Variants in FGF12 observed in about 807,000 individuals in gnomAD.
FGF12 encodes the protein fibroblast growth factor 12B.
In FGF12, 14 loss-of-function variants were observed where a neutral mutation model predicts 23.6. The ratio of observed to expected loss-of-function variants is 0.59; its 90% confidence interval spans 0.39 to 0.93. The LOEUF is 0.93. Among genes scored for constraint, FGF12 ranks in the 40% least tolerant of loss-of-function variants. The pLI, the probability that FGF12 is intolerant of heterozygous loss-of-function variation, is 0.00. For synonymous variants in FGF12, 62 were observed against 77.3 expected (o/e 0.80, Z 1.04); for missense variants, 175 against 217.8 (o/e 0.80, Z 1.24).
chr3:192,426,217 T>A (rs1721683634), intron 2 of FGF12, among the ~76,000 whole-genome samples: 1 of 152,160 alleles, frequency 6.6e-6, no homozygotes, highest in Non-Finnish European at 1.5e-5. Context: ...AGGCTCCAGT[T>A]CCCTAATCTA....
At chr3:192,439,520 G>A (rs1722130425) in intron 2 of FGF12, among the ~76,000 whole-genome samples, 1 of 152,138 alleles carries the variant, frequency 6.6e-6, no homozygotes, top group South Asian at 2.1e-4. Flanking sequence ...CCTTCTATGT[G>A]CTGAGCATTT....
At chr3:192,485,856 T>G (rs926346290) in intron 2 of FGF12, among the ~76,000 whole-genome samples, 2 of 152,178 alleles carry the variant, frequency 1.3e-5, no homozygotes, top group Non-Finnish European at 2.9e-5. Context: ...AACATTAAAT[T>G]AATATTGCTA....
In FGF12 at chr3:192,656,086, A is replaced by T. The variant is rs1176874982; in HGVS notation, c.13+71095T>A. Among the ~76,000 whole-genome samples the T allele has an allele frequency of 1.3e-5, 2 of 151,772 alleles. 1 individual carries two copies. The highest frequency in any genetic ancestry group is 2.9e-5 in the Non-Finnish European group (2 of 67,980). On this transcript the variant is annotated intron_variant, in intron 2 of 5. Coordinates refer to ENST00000445105, the MANE Select transcript of FGF12 (RefSeq NM_004113.6). ...AATTCTTTTCCTTGCAGTACCTAGC[A>T]CAGGACTTTTTAGAAGGGTATGCAC...
At chr3:192,462,400 G>C (rs1162202932) in intron 2 of FGF12, among the ~76,000 whole-genome samples, 2 of 152,070 alleles carry the variant, frequency 1.3e-5, no homozygotes. Flanking sequence ...ACATGAAGAG[G>C]AAGAGAGATC....
At chr3:192,617,082 T>G (rs1296844029) in intron 2 of FGF12, among the ~76,000 whole-genome samples, 1 of 151,942 alleles carries the variant, frequency 6.6e-6, no homozygotes, top group Non-Finnish European at 1.5e-5. Flanking sequence ...GTCAGTACAA[T>G]AGAAATGAAT....
At position 192,432,561 on chromosome 3, in the gene FGF12, G is replaced by T. The variant is rs114474480; in HGVS notation, c.14-72023C>A. ...GAAATTGTCATGTTGTGAACCGCCTGTGGGAAGGGCCATGGGGCAAGGTCC... is the reference window on the plus strand; with the variant it reads ...GAAATTGTCATGTTGTGAACCGCCTTTGGGAAGGGCCATGGGGCAAGGTCC... On this transcript the variant is annotated intron_variant, in intron 2 of 5. Coordinates refer to ENST00000445105, the MANE Select transcript of FGF12 (RefSeq NM_004113.6). Among the ~76,000 whole-genome samples, 854 of 150,082 alleles carry T rather than the reference G, an allele frequency of 5.7e-3. 8 individuals carry two copies. Among genetic ancestry groups the T allele is most frequent in the African/African-American group, 0.019 (760 of 40,574 alleles).
chr3:192,276,183 A>C (rs1043838447), intron 4 of FGF12, among the ~76,000 whole-genome samples: 2 of 151,650 alleles, frequency 1.3e-5, no homozygotes, highest in Non-Finnish European at 2.9e-5. Flanking sequence ...CTGATTCACC[A>C]GTCGTACAGT....
chr3:192,677,410 C>T (rs1313940592), intron 2 of FGF12, among the ~76,000 whole-genome samples: 3 of 152,132 alleles, frequency 2.0e-5, no homozygotes, highest in Admixed American at 1.3e-4. Flanking sequence ...GAGGACATAC[C>T]GTGATGCTGT....
At chr3:192,325,431 TAGGCATC>T (rs1716767170) in intron 4 of FGF12, among the ~76,000 whole-genome samples, 1 of 152,186 alleles carries the variant, frequency 6.6e-6, no homozygotes, top group Non-Finnish European at 1.5e-5. Context: ...TTTCTCTATT[TAGGCATC>T]ATTAAGTTCA....
At chr3:192,659,980 A>G (rs1029308111) in intron 2 of FGF12, among the ~76,000 whole-genome samples, 11 of 152,034 alleles carry the variant, frequency 7.2e-5, no homozygotes, top group African/African-American at 2.7e-4. Context: ...TTCATGATTT[A>G]TAATCCTTTG....
At chr3:192,713,835 T>C (rs1718773327) in intron 2 of FGF12, among the ~76,000 whole-genome samples, 1 of 152,226 alleles carries the variant, frequency 6.6e-6, no homozygotes, top group Non-Finnish European at 1.5e-5. Context: ...GTATGATGTG[T>C]CTTCCTGGAG....
intron 2 of FGF12, among the ~76,000 whole-genome samples, chr3:192,554,586 A>G (rs1349646509): frequency 6.6e-6 from 1 of 152,202 alleles, no homozygotes; most frequent in Non-Finnish European, 1.5e-5. Context: ...ATACAAAGCC[A>G]GTTCATAAAA....
chr3:192,410,025 T>G (rs1576961247), intron 2 of FGF12, among the ~76,000 whole-genome samples: 1 of 149,312 alleles, frequency 6.7e-6, no homozygotes, highest in Admixed American at 6.6e-5. Flanking sequence ...TCAGCTGGAG[T>G]GCTAGCTCCG....
At chr3:192,214,306 G>A (rs1173208400) in intron 4 of FGF12, among the ~76,000 whole-genome samples, 1 of 152,240 alleles carries the variant, frequency 6.6e-6, no homozygotes, top group Non-Finnish European at 1.5e-5. Context: ...TAATAAATGA[G>A]AGAACCCAGA....
At chr3:192,647,307 T>G (rs1453936842) in intron 2 of FGF12, among the ~76,000 whole-genome samples, 1 of 152,022 alleles carries the variant, frequency 6.6e-6, no homozygotes, top group African/African-American at 2.4e-5. Flanking sequence ...GGGTTCTATC[T>G]CACATAAAAT....
intron 5 of FGF12, among the ~76,000 whole-genome samples, chr3:192,160,911 T>C (rs1714832064): frequency 1.3e-5 from 2 of 152,202 alleles, no homozygotes; most frequent in Middle Eastern, 3.4e-3. Flanking sequence ...ATAGATGACT[T>C]TGACACAAAT....
chr3:192,647,770 C>CTA (rs1716069664), intron 2 of FGF12, among the ~76,000 whole-genome samples: 1 of 149,638 alleles, frequency 6.7e-6, no homozygotes, highest in South Asian at 2.1e-4. Context: ...TATACACACA[C>CTA]TATATATATA....
intron 2 of FGF12, among the ~76,000 whole-genome samples, chr3:192,677,065 C>A (rs1034800689): frequency 6.6e-6 from 1 of 152,210 alleles, no homozygotes; most frequent in Non-Finnish European, 1.5e-5. Context: ...TTTGCTCACC[C>A]TGTAGTGACT....
chr3:192,434,027 G>A (rs1721940625), intron 2 of FGF12, among the ~76,000 whole-genome samples: 1 of 152,168 alleles, frequency 6.6e-6, no homozygotes, highest in African/African-American at 2.4e-5. Flanking sequence ...CTTCTCCTTA[G>A]CCAGAGCCAA....
Sources: allele counts gnomAD v4.1 joint callset (sites outside exome capture counted in the v4.1 genomes callset), GRCh38; gene constraint gnomAD v4.1.1; transcripts MANE v1.5; gene names NCBI Gene and HGNC (gene_info 2026-07-23, HGNC 2026-07-21).